MYT1L: variants seen among roughly 807,000 people sequenced by gnomAD.
MYT1L encodes myelin transcription factor 1 like.
Under a neutral mutation model 126.7 loss-of-function variants are expected in MYT1L, and 12 were observed. That is an observed-to-expected ratio of 0.09 (90% CI 0.06 to 0.15). The LOEUF (loss-of-function observed/expected upper bound fraction) is 0.15, where lower values mean the gene tolerates loss of function less well. Ranked by LOEUF, MYT1L falls within the 10% of genes least tolerant of loss-of-function variation. MYT1L has a pLI of 1.00. For missense variants in MYT1L, 979 were observed against 1,585.2 expected (o/e 0.62, Z 6.49); for synonymous variants, 541 against 604.2 (o/e 0.90, Z 1.53).
chr2:2,293,427 G>T (rs1485579338), intron 1 of MYT1L, among the ~76,000 whole-genome samples: 1 of 152,200 alleles, frequency 6.6e-6, no homozygotes, highest in Non-Finnish European at 1.5e-5. Context: ...TGCTCCTTGA[G>T]GACAGAGCGC....
intron 21 of MYT1L, among the ~76,000 whole-genome samples, chr2:1,823,045 A>C (rs1406783994): frequency 2.0e-5 from 3 of 152,096 alleles, no homozygotes; most frequent in African/African-American, 7.2e-5. Context: ...AAGGGACCTT[A>C]TTGCACCTCG....
intron 1 of MYT1L, among the ~76,000 whole-genome samples, chr2:2,328,563 G>T (rs1384821595): frequency 6.6e-6 from 1 of 152,118 alleles, no homozygotes; most frequent in South Asian, 2.1e-4. Context: ...TTGTGAAATT[G>T]GCATAAGTTC....
At chr2:2,161,985 A>T (rs1184290152) in intron 3 of MYT1L, among the ~76,000 whole-genome samples, 1 of 152,178 alleles carries the variant, frequency 6.6e-6, no homozygotes, top group Non-Finnish European at 1.5e-5. Context: ...TTTCGGAAGC[A>T]GGCACACTTG....
intron 3 of MYT1L, among the ~76,000 whole-genome samples, chr2:2,119,601 T>C (rs781018957): frequency 2.6e-5 from 4 of 152,228 alleles, no homozygotes; most frequent in Non-Finnish European, 5.9e-5. Flanking sequence ...AAGCATGCTG[T>C]GCATTTCAGG....
intron 1 of MYT1L, among the ~76,000 whole-genome samples, chr2:2,314,830 C>A (rs989453126): frequency 6.6e-6 from 1 of 152,106 alleles, no homozygotes; most frequent in Non-Finnish European, 1.5e-5. Context: ...GAAACAGACA[C>A]ATAGAGCAAT....
chr2:2,220,513 C>T (rs1270893297), intron 2 of MYT1L, among the ~76,000 whole-genome samples: 1 of 152,060 alleles, frequency 6.6e-6, no homozygotes, highest in Non-Finnish European at 1.5e-5. Flanking sequence ...AAATTGTTTC[C>T]TATTCAGACC....
intron 4 of MYT1L, among the ~76,000 whole-genome samples, chr2:2,040,400 C>T (rs745942925): frequency 4.6e-5 from 7 of 152,192 alleles, no homozygotes; most frequent in African/African-American, 9.7e-5. Context: ...GCAGATTAAT[C>T]TTTAAAACTC....
chr2:1,987,922 C>T (rs1414673440), intron 5 of MYT1L, among the ~76,000 whole-genome samples: 3 of 152,156 alleles, frequency 2.0e-5, no homozygotes, highest in African/African-American at 7.2e-5. Flanking sequence ...ACCAACTCCC[C>T]CTGAAGCTGT....
chr2:1,956,212 T>TCTATCTAC (rs2058349724), intron 8 of MYT1L, among the ~76,000 whole-genome samples: 1 of 137,180 alleles, frequency 7.3e-6, no homozygotes, highest in African/African-American at 3.5e-5. Flanking sequence ...TATCTATCTA[T>TCTATCTAC]CTATCTATCT....
intron 3 of MYT1L, among the ~76,000 whole-genome samples, chr2:2,170,801 C>T (rs2089930700): frequency 6.6e-6 from 1 of 152,162 alleles, no homozygotes; most frequent in Non-Finnish European, 1.5e-5. Context: ...AAATCAGAGG[C>T]TCTATGTCTG....
intron 10 of MYT1L, among the ~76,000 whole-genome samples, chr2:1,919,557 T>C (rs974181442): frequency 2.0e-5 from 3 of 152,178 alleles, no homozygotes; most frequent in African/African-American, 7.2e-5. Context: ...ATAATTTAAA[T>C]CAGTTTGAGA....
chr2:2,262,939 G>GACATATATATATATATAT (rs1466512652), intron 2 of MYT1L, among the ~76,000 whole-genome samples: 19 of 51,968 alleles, frequency 3.7e-4, no homozygotes, highest in African/African-American at 1.1e-3. Flanking sequence ...TATAACCTGT[G>GACATATATATATATATAT]ATATATATAT....
intron 1 of MYT1L, among the ~76,000 whole-genome samples, chr2:2,302,001 C>G (rs1384810176): frequency 6.6e-6 from 1 of 152,106 alleles, no homozygotes; most frequent in East Asian, 1.9e-4. Context: ...AAGCATGATT[C>G]AACCTCTATA....
rs1011616846 is a variant in MYT1L, at chr2:1,912,438, A to G, written c.1619-328T>C. ...GAGCCAGGAGCTGGGGAGTTCAGAG[A>G]ACACAGAACTGACTCTTTCCTGATG... is the stretch of plus-strand genomic sequence containing the variant. On this transcript the variant is annotated intron_variant, in intron 11 of 24. Coordinates refer to ENST00000647738, the MANE Select transcript of MYT1L (RefSeq NM_001303052.2). The surrounding 1 kb of genome is among the most constrained non-coding windows in gnomAD (Gnocchi z 4.3). 6.6e-6 allele frequency among the ~76,000 whole-genome samples: 1 copy of G among 152,164 alleles called. No homozygotes were observed.
Position 1,811,616 on chromosome 2 carries a change from T to G in MYT1L, c.3081-2449A>C, listed in dbSNP as rs2036677267. On this transcript the variant is annotated intron_variant, in intron 21 of 24. Transcript: ENST00000647738. The surrounding 1 kb of genome is among the most constrained non-coding windows in gnomAD (Gnocchi z 4.4). Reference sequence around the variant, plus strand: ...GCTCGTGGTTCCCTTTGCTGTTTTTTTGTTCATTTATTTGTTACTAGACAT... The same window carrying G: ...GCTCGTGGTTCCCTTTGCTGTTTTTGTGTTCATTTATTTGTTACTAGACAT... 1 of 152,318 alleles carries G rather than the reference T, an allele frequency of 6.6e-6. No homozygotes were observed. Among genetic ancestry groups the G allele is most frequent in the Non-Finnish European group, 1.5e-5 (1 of 68,136 alleles). The allele number at this position is 152,318 out of a possible 1,614,324, so 9.4% of individuals were successfully genotyped here.
At chr2:2,280,490 C>T (rs933099027) in intron 2 of MYT1L, among the ~76,000 whole-genome samples, 1 of 152,200 alleles carries the variant, frequency 6.6e-6, no homozygotes, top group Non-Finnish European at 1.5e-5. Flanking sequence ...GGAGCTGAGA[C>T]TATGGGGTGC....
At chr2:2,256,189 G>C (rs2094807403) in intron 2 of MYT1L, among the ~76,000 whole-genome samples, 1 of 152,192 alleles carries the variant, frequency 6.6e-6, no homozygotes, top group African/African-American at 2.4e-5. Context: ...GTGCTGACAT[G>C]GCACGCTGCT....
intron 8 of MYT1L, among the ~76,000 whole-genome samples, chr2:1,977,637 T>C (rs185313942): frequency 9.2e-5 from 14 of 152,352 alleles, no homozygotes; most frequent in African/African-American, 3.1e-4. Flanking sequence ...AAATATCTCA[T>C]GTACCCCCTA....
chr2:1,804,538 G>C (rs887694328), intron 22 of MYT1L, among the ~76,000 whole-genome samples: 1 of 152,230 alleles, frequency 6.6e-6, no homozygotes, highest in African/African-American at 2.4e-5. Context: ...GCATCTCAGA[G>C]CCAGAAAATC....
Sources: gnomAD v4.1 joint callset for allele counts (sites outside exome capture counted in the v4.1 genomes callset) on GRCh38, gnomAD v4.1.1 for gene constraint, Gnocchi (gnomAD v3.1) non-coding constraint, MANE v1.5 for transcripts, NCBI Gene and HGNC (gene_info 2026-07-23, HGNC 2026-07-21) for gene names.